SFMBT1: variants seen among roughly 807,000 people sequenced by gnomAD.
SFMBT1 encodes the protein scm-like with four MBT domains protein 1.
SFMBT1 carries 32 observed loss-of-function variants against 108.7 expected under a neutral mutation model. The ratio of observed to expected loss-of-function variants is 0.29; its 90% CI spans 0.22 to 0.40. The LOEUF (loss-of-function observed/expected upper bound fraction) is 0.40, where lower values mean the gene tolerates loss of function less well. Ranked by LOEUF, SFMBT1 falls within the 10% of genes least tolerant of loss-of-function variation. The pLI is 1.00. For missense variants in SFMBT1, 816 were observed against 1,059.6 expected, an observed-to-expected ratio of 0.77 and a Z score of 3.19; for synonymous variants, 348 against 369.5, an observed-to-expected ratio of 0.94 and a Z score of 0.67.
At chr3:52,995,828 T>C (rs1185384681) in intron 1 of SFMBT1, among the ~76,000 whole-genome samples, 2 of 149,808 alleles carry the variant, frequency 1.3e-5, no homozygotes, top group African/African-American at 2.4e-5. Flanking sequence ...TCTTAGCACT[T>C]TGGGAGGCTG....
chr3:53,030,290 T>C (rs367697559), intron 1 of SFMBT1, among the ~76,000 whole-genome samples: 2 of 152,118 alleles, frequency 1.3e-5, no homozygotes, highest in South Asian at 2.1e-4. Flanking sequence ...TGCGGAAATA[T>C]ATGATTTACA....
intron 13 of SFMBT1, 65 bp downstream of exon 13, chr3:52,918,419 C>A: frequency 7.9e-7 from 1 of 1,269,878 alleles, no homozygotes; most frequent in East Asian, 2.6e-5. Flanking sequence ...GAAATATACC[C>A]TCTGAAATAG....
chr3:53,016,305 C>T (rs1044505117), intron 1 of SFMBT1, among the ~76,000 whole-genome samples: 1 of 152,144 alleles, frequency 6.6e-6, no homozygotes, highest in Admixed American at 6.5e-5. Flanking sequence ...TCATGGATTG[C>T]GGTGCGAACC....
chr3:52,918,537 A>G lies in SFMBT1; in HGVS notation c.1373-11T>C. The stretch of plus-strand genomic sequence containing the variant: ...TCCTCTGTTTATATACTGTAGAAAG[A>G]AAAAAATATATAAATGCCAAGAAAA... On this transcript the variant is annotated splice_polypyrimidine_tract_variant and intron_variant, in intron 12 of 20. Coordinates refer to ENST00000394752, the MANE Select transcript of SFMBT1 (RefSeq NM_016329.4). 1 of 1,502,846 alleles carries G rather than the reference A, an allele frequency of 6.7e-7. No individual in the cohort carries two copies. Among genetic ancestry groups the G allele is most frequent in the Non-Finnish European group, 9.0e-7 (1 of 1,115,722 alleles). The allele number at this position is 1,502,846 out of a possible 1,614,324, so 93.1% of individuals were successfully genotyped here.
intron 20 of SFMBT1, 105 bp from the exon 21 acceptor site, chr3:52,905,381 GCTTTC>G: frequency 7.6e-6 from 9 of 1,188,494 alleles, no homozygotes; most frequent in Non-Finnish European, 1.0e-5. Flanking sequence ...GAATCCCTAT[GCTTTC>G]CTTTCCTTAC....
chr3:53,009,179 G>A (rs1176083959), intron 1 of SFMBT1, among the ~76,000 whole-genome samples: 1 of 152,020 alleles, frequency 6.6e-6, no homozygotes, highest in Non-Finnish European at 1.5e-5. Context: ...GGGCACGGTG[G>A]CTTATGCCTG....
chr3:52,996,070 C>CA (rs113770973), intron 1 of SFMBT1, among the ~76,000 whole-genome samples: 44,954 of 141,180 alleles, frequency 0.32, 9,346 homozygotes, highest in South Asian at 0.6. Flanking sequence ...GACTCCATCT[C>CA]AAAAAAAAAC....
intron 1 of SFMBT1, among the ~76,000 whole-genome samples, chr3:52,994,183 A>G (rs972805052): frequency 3.3e-5 from 5 of 150,610 alleles, no homozygotes; most frequent in African/African-American, 1.2e-4. Flanking sequence ...CTTGTTAACA[A>G]AGTCATTGCA....
At chr3:52,920,700 G>A (rs1215202298) in intron 11 of SFMBT1, 50 bp from the exon 12 acceptor site, 2 of 1,169,158 alleles carry the variant, frequency 1.7e-6, no homozygotes, top group East Asian at 2.4e-5. Context: ...CCTTTTTTTA[G>A]ACCATTAAAT....
At chr3:52,923,591 C>G (rs571558340) in intron 10 of SFMBT1, among the ~76,000 whole-genome samples, 51 of 150,342 alleles carry the variant, frequency 3.4e-4, no homozygotes, top group African/African-American at 1.2e-3. Flanking sequence ...AACAAACGAA[C>G]GAACTATTCA....
chr3:52,928,986 T>C (rs1702774770), intron 8 of SFMBT1, among the ~76,000 whole-genome samples: 1 of 151,994 alleles, frequency 6.6e-6, no homozygotes, highest in South Asian at 2.1e-4. Context: ...ATTACATGCA[T>C]GAGCCACCAC....
intron 1 of SFMBT1, among the ~76,000 whole-genome samples, chr3:53,037,807 T>A (rs940995330): frequency 9.2e-5 from 14 of 152,050 alleles, no homozygotes; most frequent in Non-Finnish European, 1.8e-4. Flanking sequence ...AGACCCCATC[T>A]CTACAAAAAA....
At chr3:52,930,831 AC>A in intron 7 of SFMBT1, 109 bp downstream of exon 7, 1 of 783,220 alleles carries the variant, frequency 1.3e-6, no homozygotes, top group South Asian at 1.6e-5. Context: ...TCCTTCAGAG[AC>A]CATGGCATTC....
chr3:53,011,315 G>A (rs568655657), intron 1 of SFMBT1, among the ~76,000 whole-genome samples: 5 of 152,270 alleles, frequency 3.3e-5, no homozygotes, highest in African/African-American at 4.8e-5. Context: ...GCATCAGGTC[G>A]GCAAGGGGCA....
intron 7 of SFMBT1, 89 bp downstream of exon 7, chr3:52,930,852 G>A: frequency 9.8e-7 from 1 of 1,017,478 alleles, no homozygotes; most frequent in South Asian, 1.4e-5. Flanking sequence ...CTTACCGACT[G>A]CAGGGGCTGC....
intron 1 of SFMBT1, among the ~76,000 whole-genome samples, chr3:52,989,109 A>G (rs953668315): frequency 3.3e-5 from 5 of 152,106 alleles, no homozygotes; most frequent in Admixed American, 2.6e-4. Context: ...CCACTTTTCT[A>G]TTCTTTCCTT....
chr3:52,995,228 AG>A lies in SFMBT1; in HGVS notation c.-130-25971del, dbSNP rs1698282131. 5.3e-5 allele frequency among the ~76,000 whole-genome samples: 8 copies of A among 150,242 alleles called. No homozygotes were observed. In the South Asian group the frequency reaches 1.5e-3, roughly 28 times the overall value. On this transcript the variant is annotated intron_variant, in intron 1 of 20. Transcript: ENST00000394752. ...GGATAGTATTTTCAACAAATGGTAC[AG>A]AAACAACTGGATATCCACATGGACA... is the stretch of plus-strand genomic sequence containing the variant.
At chr3:52,959,133 C>CG (rs1271540085) in intron 2 of SFMBT1, among the ~76,000 whole-genome samples, 1 of 134,086 alleles carries the variant, frequency 7.5e-6, no homozygotes, top group East Asian at 2.1e-4. Flanking sequence ...TCAAGGGGGA[C>CG]GGGGGAGGGA....
intron 1 of SFMBT1, among the ~76,000 whole-genome samples, chr3:52,990,543 C>T (rs1486230806): frequency 1.3e-5 from 2 of 152,200 alleles, no homozygotes; most frequent in African/African-American, 2.4e-5. Flanking sequence ...GCCATTCAAA[C>T]ACCAGAATAC....
Sources: gnomAD v4.1 joint callset for allele counts (sites outside exome capture counted in the v4.1 genomes callset) on GRCh38, gnomAD v4.1.1 for gene constraint, MANE v1.5 for transcripts, NCBI Gene and HGNC (gene_info 2026-07-23, HGNC 2026-07-21) for gene names.